TRIM44: variants seen among roughly 807,000 people sequenced by gnomAD.
TRIM44 encodes the protein tripartite motif containing 44, also known as tripartite motif-containing protein 44.
In TRIM44, 13 loss-of-function variants were observed where a neutral mutation model predicts 37.4. The ratio of observed to expected loss-of-function variants is 0.35; its 90% CI spans 0.23 to 0.55. The LOEUF (loss-of-function observed/expected upper bound fraction) is 0.55. Ranked by LOEUF, TRIM44 falls within the 20% of genes least tolerant of loss-of-function variation. The pLI is 0.89. For synonymous variants in TRIM44, 175 were observed against 157.2 expected, an observed-to-expected ratio of 1.11 and a Z score of -0.85; for missense variants, 426 against 437.2, an observed-to-expected ratio of 0.97 and a Z score of 0.23.
rs1205959333 is a variant in TRIM44, at chr11:35,663,411, G to C, written c.300G>C (p.Glu100Asp). The C allele has an allele frequency of 6.3e-7, 1 of 1,586,420 alleles. No individual in the cohort carries two copies. The highest frequency in any genetic ancestry group is 1.8e-5 in the Admixed American group (1 of 55,196). Residue 100 changes from glutamate (E) to aspartate (D), a missense_variant, in exon 1 of 5, where the codon GAG becomes GAC. This residue lies in a region of TRIM44 where 331 missense variants were observed against 303.0 expected (regional missense o/e 1.09). Transcript: ENST00000299413. ...EIESEAGEES[E>D]SEEESESEEE... ...AAAGCGAGGCAGGGGAAGAGAGTGA[G>C]TCGGAGGAAGAGAGCGAGTCAGAGG...
rs1852514497 is a variant in TRIM44, at chr11:35,748,116, T to A, written c.1007+12671T>A. On this transcript the variant is annotated intron_variant, in intron 4 of 4. Transcript: ENST00000299413. ...CGCCTGAGGAAAGAAGATTGTCACG[T>A]AGGCTGTGAAAAGAAATACAGGGGG... Among the ~76,000 whole-genome samples the A allele has an allele frequency of 4.6e-5, 7 of 152,228 alleles. No individual in the cohort carries two copies. The South Asian group carries it at 1.5e-3, about 32-fold the overall frequency.
rs550391801 is a variant in TRIM44 at position 35,779,288 on chromosome 11, G to A, written c.1008-27070G>A. Among the ~76,000 whole-genome samples the A allele has an allele frequency of 7.2e-5, 11 of 152,312 alleles. No homozygotes were observed. In the East Asian group the frequency reaches 9.7e-4, roughly 13 times the overall value. On this transcript the variant is annotated intron_variant, in intron 4 of 4. Coordinates refer to ENST00000299413, the MANE Select transcript of TRIM44 (RefSeq NM_017583.6). Reference sequence around the variant, plus strand: ...TCCTGGTGTGCCATTTGCTAAGACCGTTGGAAAAGCGCAGTATTAGGGTGC... The same window carrying A: ...TCCTGGTGTGCCATTTGCTAAGACCATTGGAAAAGCGCAGTATTAGGGTGC...
Position 35,811,542 on chromosome 11 carries a change from A to AGTT in TRIM44, c.*5160_*5162dup, listed in dbSNP as rs1853527783. ...ATGTAATTGATGAAAACATAGAATG[A>AGTT]GTTGTAAATGAAGCAATTCCAAGCT... On this transcript the variant is annotated 3_prime_UTR_variant, in exon 5 of 5. Transcript: ENST00000299413. The AGTT allele has an allele frequency of 6.6e-6, 1 of 152,192 alleles. No individual in the cohort carries two copies. Among genetic ancestry groups the AGTT allele is most frequent in the Non-Finnish European group, 1.5e-5 (1 of 68,028 alleles). The allele number at this position is 152,192 out of a possible 1,614,324, so 9.4% of individuals were successfully genotyped here. A position where few individuals can be genotyped will look rare whatever the true frequency, so the allele number is the denominator to read the frequency against.
rs556429629 is a variant in TRIM44 at position 35,720,213 on chromosome 11, T to C, written c.748-5711T>C. On this transcript the variant is annotated intron_variant, in intron 2 of 4. Transcript: ENST00000299413. ...TCTTTGAATTCTTATATTAGAGTTT[T>C]ATAGTTTTCCTCTTATAGATCTTGT... Among the ~76,000 whole-genome samples, 9 of 152,344 alleles carry C rather than the reference T, an allele frequency of 5.9e-5. No homozygotes were observed. In the East Asian group the frequency reaches 1.7e-3, roughly 29 times the overall value.
intron 4 of TRIM44, among the ~76,000 whole-genome samples, chr11:35,758,173 C>G (rs1590575177): frequency 6.6e-6 from 1 of 152,160 alleles, no homozygotes; most frequent in East Asian, 1.9e-4. Context: ...CTTTGTGAAT[C>G]TGGGTGCTCC....
intron 2 of TRIM44, 80 bp downstream of exon 2, chr11:35,685,416 T>G: frequency 8.5e-7 from 1 of 1,171,916 alleles, no homozygotes. Flanking sequence ...GAGGTGTTGA[T>G]GATCATCTCT....
At chr11:35,688,075 C>A (rs992498811) in intron 2 of TRIM44, among the ~76,000 whole-genome samples, 2 of 152,204 alleles carry the variant, frequency 1.3e-5, no homozygotes, top group South Asian at 4.1e-4. Context: ...TCCAAGACAA[C>A]CCTTAAGTTT....
At chr11:35,716,445 G>A (rs1852040438) in intron 2 of TRIM44, among the ~76,000 whole-genome samples, 1 of 152,132 alleles carries the variant, frequency 6.6e-6, no homozygotes, top group Non-Finnish European at 1.5e-5. Context: ...GGGTCTAGGT[G>A]TTTAGCAGGG....
chr11:35,787,653 T>C (rs1167423852), intron 4 of TRIM44, among the ~76,000 whole-genome samples: 1 of 152,248 alleles, frequency 6.6e-6, no homozygotes, highest in Non-Finnish European at 1.5e-5. Flanking sequence ...TTAATCTGGA[T>C]ACTTGCCTTC....
At chr11:35,795,041 A>G (rs1028084949) in intron 4 of TRIM44, among the ~76,000 whole-genome samples, 2 of 152,198 alleles carry the variant, frequency 1.3e-5, no homozygotes, top group Non-Finnish European at 2.9e-5. Flanking sequence ...CTGAATGTTA[A>G]TGAGTCATTC....
chr11:35,729,993 G>GA lies in TRIM44; in HGVS notation c.987+3834dup, dbSNP rs1852234477. ...CCCTGTCTCAAAAATAAAATGAAATGAAAATCTCAATTCTAAGGAGAAAAG... is the reference window on the plus strand; with the variant it reads ...CCCTGTCTCAAAAATAAAATGAAATGAAAAATCTCAATTCTAAGGAGAAAAG... On this transcript the variant is annotated intron_variant, in intron 3 of 4. Transcript: ENST00000299413. Among the ~76,000 whole-genome samples the GA allele has an allele frequency of 2.0e-5, 3 of 152,220 alleles. 1 individual carries two copies. The highest frequency in any genetic ancestry group is 2.0e-4 in the Admixed American group (3 of 15,280).
At chr11:35,796,534 T>G (rs1853292505) in intron 4 of TRIM44, among the ~76,000 whole-genome samples, 1 of 152,072 alleles carries the variant, frequency 6.6e-6, no homozygotes, top group African/African-American at 2.4e-5. Context: ...CTGGGTCAGG[T>G]GGATTTCCTG....
chr11:35,668,966 C>G (rs1440712323), intron 1 of TRIM44, among the ~76,000 whole-genome samples: 1 of 152,064 alleles, frequency 6.6e-6, no homozygotes. Flanking sequence ...CCTTTAAGAA[C>G]TGTAGGCATA....
Position 35,705,603 on chromosome 11 carries a change from G to A in TRIM44, c.747+20267G>A, listed in dbSNP as rs1307130716. ...CAATCAAACTAGAACTCAGGATTAA[G>A]AAACTCACTCAAAACTGCTCAACTA... On this transcript the variant is annotated intron_variant, in intron 2 of 4. Coordinates refer to ENST00000299413, the MANE Select transcript of TRIM44 (RefSeq NM_017583.6). Among the ~76,000 whole-genome samples, 3 of 151,142 alleles carry A rather than the reference G, an allele frequency of 2.0e-5. No homozygotes were observed. In the East Asian group the frequency reaches 5.8e-4, roughly 29 times the overall value.
chr11:35,753,642 A>G (rs1230384301), intron 4 of TRIM44, among the ~76,000 whole-genome samples: 1 of 152,232 alleles, frequency 6.6e-6, no homozygotes, highest in Non-Finnish European at 1.5e-5. Context: ...CATGCAGATT[A>G]TGCTTAAGTA....
intron 2 of TRIM44, among the ~76,000 whole-genome samples, chr11:35,691,867 G>T (rs1339648909): frequency 6.6e-6 from 1 of 152,054 alleles, no homozygotes; most frequent in African/African-American, 2.4e-5. Flanking sequence ...GAATGGTCTC[G>T]ATCTCCTGAC....
intron 4 of TRIM44, among the ~76,000 whole-genome samples, chr11:35,794,884 C>T (rs1853260947): frequency 6.6e-6 from 1 of 152,216 alleles, no homozygotes; most frequent in Admixed American, 6.5e-5. Flanking sequence ...ATAGTTAAAG[C>T]CGTTTGCCAC....
In TRIM44 at chr11:35,770,417, AC is replaced by A. The variant is rs547810841; in HGVS notation, c.1007+34975del. ...ATGATTTATTTTGTATTGGATATATACCCAGTAATGGGATTGCTGGGTTGAA... is the reference window on the plus strand; with the variant it reads ...ATGATTTATTTTGTATTGGATATATACCAGTAATGGGATTGCTGGGTTGAA... On this transcript the variant is annotated intron_variant, in intron 4 of 4. Transcript: ENST00000299413. 2.6e-5 allele frequency among the ~76,000 whole-genome samples: 4 copies of A among 152,180 alleles called. No individual in the cohort carries two copies. In the South Asian group the frequency reaches 8.3e-4, roughly 31 times the overall value.
rs183735193 is a variant in TRIM44, at chr11:35,697,582, T to C, written c.747+12246T>C. Among the ~76,000 whole-genome samples, 916 of 150,728 alleles carry C rather than the reference T, an allele frequency of 6.1e-3. 4 individuals are homozygous for C. The highest frequency in any genetic ancestry group is 8.9e-3 in the Admixed American group (136 of 15,202). On this transcript the variant is annotated intron_variant, in intron 2 of 4. Coordinates refer to ENST00000299413, the MANE Select transcript of TRIM44 (RefSeq NM_017583.6). ...CTGGTCATTTAGCATTAGGTATATCTCCTAATGCTATCCCTCCCCGCTCCC... is the reference window on the plus strand; with the variant it reads ...CTGGTCATTTAGCATTAGGTATATCCCCTAATGCTATCCCTCCCCGCTCCC...
Sources: allele counts gnomAD v4.1 joint callset (sites outside exome capture counted in the v4.1 genomes callset), GRCh38; gene constraint gnomAD v4.1.1; regional missense constraint gnomAD v4.1.1; transcripts MANE v1.5; gene names NCBI Gene and HGNC (gene_info 2026-07-23, HGNC 2026-07-21).